The following C14orf39 variants were observed in gnomAD, a reference collection of about 807,000 sequenced individuals.
C14orf39 encodes the protein protein SIX6OS1.
Under a neutral mutation model 85.6 loss-of-function variants are expected in C14orf39, and 66 were observed. That is an observed-to-expected ratio of 0.77 (90% CI 0.63 to 0.95). The LOEUF (loss-of-function observed/expected upper bound fraction) is 0.95. Among genes scored for constraint, C14orf39 ranks in the 40% least tolerant of loss-of-function variants. The pLI, the probability that C14orf39 is intolerant of heterozygous loss-of-function variation, is 0.00. For synonymous variants in C14orf39, 242 were observed against 214.0 expected (o/e 1.13, Z -1.14); for missense variants, 735 against 663.9 (o/e 1.11, Z -1.18).
chr14:60,477,893 C>T (rs1226486864), intron 5 of C14orf39, among the ~76,000 whole-genome samples: 3 of 152,036 alleles, frequency 2.0e-5, no homozygotes, highest in African/African-American at 7.2e-5. Context: ...AAAACAAAAA[C>T]TCCTGGCTGG....
At chr14:60,483,941 C>T (rs112833836) in intron 3 of C14orf39, 124 bp from the exon 4 acceptor site, 2 of 642,452 alleles carry the variant, frequency 3.1e-6, no homozygotes, top group South Asian at 2.1e-5. Flanking sequence ...GGAGAGGAAA[C>T]GAGGCTTGAG....
At position 60,442,107 on chromosome 14, in the gene C14orf39, T is replaced by C; in HGVS notation, c.1528A>G (p.Asn510Asp). 1 of 1,610,108 alleles carries C rather than the reference T, an allele frequency of 6.2e-7. No individual in the cohort carries two copies. Residue 510 changes from asparagine (N) to aspartate (D), a missense_variant, in exon 17 of 18, where the codon AAT becomes GAT. Coordinates refer to ENST00000321731, the MANE Select transcript of C14orf39 (RefSeq NM_174978.3). ...TGCTCTGATGACAGAGGATTTAGATTTCTTGCAGAATAATGTTCATTAAAC... is the reference window on the plus strand; with the variant it reads ...TGCTCTGATGACAGAGGATTTAGATCTCTTGCAGAATAATGTTCATTAAAC... ...DQFNEHYSAR[N>D]LNPLSSEQEI... is the part of the protein sequence containing the mutation.
At chr14:60,513,293 T>C (rs541520585) in intron 1 of C14orf39, among the ~76,000 whole-genome samples, 6 of 152,344 alleles carry the variant, frequency 3.9e-5, no homozygotes, top group South Asian at 4.1e-4. Context: ...GCTCCCATTG[T>C]AGAGCTTCCT....
chr14:60,438,499 T>C (rs1216355981), intron 17 of C14orf39, among the ~76,000 whole-genome samples: 1 of 152,188 alleles, frequency 6.6e-6, no homozygotes, highest in East Asian at 1.9e-4. Context: ...ATAAAACTCA[T>C]ATGATCACTG....
chr14:60,484,817 T>C lies in C14orf39; in HGVS notation c.106+64A>G, dbSNP rs1336251518. The C allele has an allele frequency of 6.8e-6, 8 of 1,178,824 alleles. No homozygotes were observed. The highest frequency in any genetic ancestry group is 2.7e-5 in the South Asian group (2 of 74,842). 73.0% of individuals were successfully genotyped at this position (1,178,824 alleles called of 1,614,324 possible). ...CAATAAGTTGCCCTAAACAGAGCAA[T>C]TGTATGTTATATGCCATAAGGAATT... On this transcript the variant is annotated intron_variant, in intron 3 of 17. Transcript: ENST00000321731. The surrounding 1 kb of genome is among the most constrained non-coding windows in gnomAD (Gnocchi z 4.2).
intron 4 of C14orf39, 34 bp from the exon 5 acceptor site, chr14:60,478,423 CAGAA>C (rs757961838): frequency 2.2e-5 from 25 of 1,132,262 alleles, no homozygotes; most frequent in Non-Finnish European, 3.1e-5. Context: ...ATTAGCAACT[CAGAA>C]TGATAAACAA....
intron 11 of C14orf39, 34 bp downstream of exon 11, chr14:60,465,945 A>T: frequency 8.9e-7 from 1 of 1,120,066 alleles, no homozygotes; most frequent in Middle Eastern, 2.1e-4. Flanking sequence ...GCAAGCAGGT[A>T]TTTAATTTAT....
At chr14:60,489,608 C>A (rs72720132), upstream of C14orf39, among the ~76,000 whole-genome samples, 3,494 of 152,222 alleles carry the variant, frequency 0.023, 48 homozygotes, top group Non-Finnish European at 0.036. Context: ...TCTCCTCTTA[C>A]CTAAAGCCAA....
At chr14:60,473,420 T>A (rs963435762) in intron 5 of C14orf39, among the ~76,000 whole-genome samples, 1 of 152,204 alleles carries the variant, frequency 6.6e-6, no homozygotes, top group Non-Finnish European at 1.5e-5. Flanking sequence ...TAGATCCCAA[T>A]TGTCAATTTT....
intron 1 of C14orf39, among the ~76,000 whole-genome samples, chr14:60,514,088 C>T (rs1893329551): frequency 6.6e-6 from 1 of 152,208 alleles, no homozygotes; most frequent in Non-Finnish European, 1.5e-5. Flanking sequence ...ATAACCAATT[C>T]TTTGGTGACC....
At chr14:60,439,372 G>A (rs536110959) in intron 17 of C14orf39, among the ~76,000 whole-genome samples, 1 of 152,000 alleles carries the variant, frequency 6.6e-6, no homozygotes, top group African/African-American at 2.4e-5. Flanking sequence ...ACACCAATTA[G>A]GATGATATTG....
At chr14:60,452,383 A>G (rs1228692712) in intron 16 of C14orf39, among the ~76,000 whole-genome samples, 1 of 152,228 alleles carries the variant, frequency 6.6e-6, no homozygotes, top group Non-Finnish European at 1.5e-5. Context: ...GTTAAATGAA[A>G]TAAGTCAGGC....
intron 1 of C14orf39, among the ~76,000 whole-genome samples, chr14:60,507,074 T>TCTCGG (rs1893213242): frequency 6.6e-6 from 1 of 152,004 alleles, no homozygotes; most frequent in South Asian, 2.1e-4. Context: ...CGGGGTCGGC[T>TCTCGG]CTCGGCTCGG....
At chr14:60,457,868 G>A (rs1274145565) in intron 14 of C14orf39, among the ~76,000 whole-genome samples, 7 of 151,788 alleles carry the variant, frequency 4.6e-5, no homozygotes, top group East Asian at 1.9e-4. Context: ...TTGAATTGTC[G>A]TGGCGAATCA....
At chr14:60,457,616 A>T (rs1259114646) in intron 14 of C14orf39, among the ~76,000 whole-genome samples, 1 of 152,004 alleles carries the variant, frequency 6.6e-6, no homozygotes, top group Non-Finnish European at 1.5e-5. Context: ...TAGTGATATG[A>T]TTTCTCAAAT....
chr14:60,453,237 G>A (rs1161374544), intron 16 of C14orf39, among the ~76,000 whole-genome samples: 2 of 151,964 alleles, frequency 1.3e-5, no homozygotes, highest in African/African-American at 4.8e-5. Flanking sequence ...TTTTGAAGCT[G>A]TTATTAGGCT....
At chr14:60,481,939 T>C (rs1188148074) in intron 4 of C14orf39, among the ~76,000 whole-genome samples, 1 of 152,210 alleles carries the variant, frequency 6.6e-6, no homozygotes, top group Admixed American at 6.5e-5. Flanking sequence ...TGTGCAGTCA[T>C]ATTTATCCAT....
intron 5 of C14orf39, among the ~76,000 whole-genome samples, chr14:60,471,972 C>T (rs991139831): frequency 6.6e-6 from 1 of 151,892 alleles, no homozygotes; most frequent in Non-Finnish European, 1.5e-5. Flanking sequence ...ATTTTAACTC[C>T]TACTCCCACT....
chr14:60,489,308 T>C (rs537755099), upstream of C14orf39, among the ~76,000 whole-genome samples: 42 of 152,370 alleles, frequency 2.8e-4, no homozygotes, highest in South Asian at 2.7e-3. Flanking sequence ...ATTTAACTTC[T>C]GGATCTGTCA....
Sources: gnomAD v4.1 joint callset for allele counts (sites outside exome capture counted in the v4.1 genomes callset) on GRCh38, gnomAD v4.1.1 for gene constraint, Gnocchi (gnomAD v3.1) non-coding constraint, MANE v1.5 for transcripts, NCBI Gene and HGNC (gene_info 2026-07-23, HGNC 2026-07-21) for gene names.